Variants in GOLGA8A observed in about 807,000 individuals in gnomAD.
The protein encoded by GOLGA8A is golgin subfamily A member 8A.
Under a neutral mutation model 22.1 loss-of-function variants are expected in GOLGA8A, and 3 were observed. That is an observed-to-expected ratio of 0.14 (90% CI 0.06 to 0.35). GOLGA8A has a LOEUF of 0.35. Among genes scored for constraint, GOLGA8A ranks in the 10% least tolerant of loss-of-function variants. The pLI is 1.00. For missense variants in GOLGA8A, 16 were observed against 233.2 expected, an observed-to-expected ratio of 0.07 and a Z score of 6.07; for synonymous variants, 7 against 91.7, an observed-to-expected ratio of 0.08 and a Z score of 5.28.
chr15:34,409,731 GC>G, intron 2 of GOLGA8A: 1 of 757,728 alleles, frequency 1.3e-6, no homozygotes, highest in Non-Finnish European at 2.4e-6. Context: ...ACCACCAGGA[GC>G]CCGAGAGCGA....
In GOLGA8A at chr15:34,428,243, GCCA is replaced by G. The variant is rs769931948; in HGVS notation, c.-1123+7137_-1123+7139del. On this transcript the variant is annotated intron_variant, in intron 2 of 24. Coordinates refer to ENST00000359187, the MANE Select transcript of GOLGA8A (RefSeq NM_181077.5). ...CAAGTAGCTAGGACCACACCCGTGAGCCACCACATCTGGCTAATTTTTCTATTT... is the reference window on the plus strand; with the variant it reads ...CAAGTAGCTAGGACCACACCCGTGAGCCACATCTGGCTAATTTTTCTATTT... Among the ~76,000 whole-genome samples, 104 of 147,584 alleles carry G rather than the reference GCCA, an allele frequency of 7.0e-4. 8 individuals are homozygous for G. The highest frequency in any genetic ancestry group is 1.1e-3 in the Non-Finnish European group (72 of 66,734).
chr15:34,423,777 T>C (rs79628481), intron 2 of GOLGA8A, among the ~76,000 whole-genome samples: 1 of 148,934 alleles, frequency 6.7e-6, no homozygotes, highest in African/African-American at 2.5e-5. Context: ...TCCACCTCCA[T>C]GGACCCTTTG....
intron 2 of GOLGA8A, among the ~76,000 whole-genome samples, chr15:34,430,610 T>C (rs73376083): frequency 4.7e-5 from 7 of 149,394 alleles, no homozygotes; most frequent in Non-Finnish European, 8.9e-5. Context: ...CAGAATCAGT[T>C]AGAGGCTGGA....
At chr15:34,420,006 A>G (rs1170670862) in intron 2 of GOLGA8A, 16 of 148,826 alleles carry the variant, frequency 1.1e-4, no homozygotes, top group Non-Finnish European at 2.1e-4. Flanking sequence ...CAAGATGAAG[A>G]AAGTTCTGGA....
chr15:34,429,312 C>T (rs1893125268), intron 2 of GOLGA8A, among the ~76,000 whole-genome samples: 1 of 146,028 alleles, frequency 6.8e-6, no homozygotes, highest in Admixed American at 7.0e-5. Context: ...CCAGGGCTAC[C>T]AAGCCCCTAA....
rs1317823959 is a variant in GOLGA8A at position 34,436,737 on chromosome 15, A to C, written c.-1212+661T>G. Among the ~76,000 whole-genome samples the C allele has an allele frequency of 1.1e-4, 16 of 149,682 alleles. 1 individual carries two copies. Among genetic ancestry groups the C allele is most frequent in the Non-Finnish European group, 2.1e-4 (14 of 67,166 alleles). On this transcript the variant is annotated intron_variant, in intron 1 of 24. Coordinates refer to ENST00000359187, the MANE Select transcript of GOLGA8A (RefSeq NM_181077.5). ...GTTCTCCTTCACCATCTGCGGCCAG[A>C]TCTCCCTCCAGCAGCCTTGCCAGGC...
intron 2 of GOLGA8A, among the ~76,000 whole-genome samples, chr15:34,421,285 T>C (rs1292727587): frequency 7.0e-6 from 1 of 143,146 alleles, no homozygotes; most frequent in East Asian, 2.2e-4. Flanking sequence ...TCGGCTATTG[T>C]GAGAAGAGTC....
intron 1 of GOLGA8A, among the ~76,000 whole-genome samples, chr15:34,437,195 G>A (rs1364648560): frequency 4.1e-5 from 6 of 147,260 alleles, no homozygotes; most frequent in Admixed American, 6.8e-5. Flanking sequence ...GGGCCGGTCC[G>A]AGAGGCGTAA....
At chr15:34,430,712 G>A (rs1235399822) in intron 2 of GOLGA8A, among the ~76,000 whole-genome samples, 1 of 149,744 alleles carries the variant, frequency 6.7e-6, no homozygotes, top group African/African-American at 2.5e-5. Context: ...GTGCTTTACT[G>A]TAGCAGAACA....
intron 2 of GOLGA8A, among the ~76,000 whole-genome samples, chr15:34,425,063 G>C (rs1309150622): frequency 6.8e-6 from 1 of 146,162 alleles, no homozygotes; most frequent in Admixed American, 7.0e-5. Context: ...ATCCAGCCTG[G>C]GTGACAAAGT....
At chr15:34,420,313 A>G (rs1323483300) in intron 2 of GOLGA8A, 1 of 144,466 alleles carries the variant, frequency 6.9e-6, no homozygotes, top group Non-Finnish European at 1.5e-5. Flanking sequence ...TCAGGGAGTG[A>G]CAGGGGCGTG....
chr15:34,380,853 G>A lies in GOLGA8A; in HGVS notation c.*558C>T. 1 of 191,510 alleles carries A rather than the reference G, an allele frequency of 5.2e-6. No homozygotes were observed. The highest frequency in any genetic ancestry group is 1.1e-5 in the Non-Finnish European group (1 of 91,430). The allele number at this position is 191,510 out of a possible 1,614,324, so 11.9% of individuals were successfully genotyped here. ...GAAAATGGAGGAAAGGCTGTTTCCA[G>A]TTCTCGGCCTTTAAACAGCTCTAAA... On this transcript the variant is annotated 3_prime_UTR_variant, in exon 25 of 25. Coordinates refer to ENST00000359187, the MANE Select transcript of GOLGA8A (RefSeq NM_181077.5).
chr15:34,380,525 C>G lies in GOLGA8A; in HGVS notation c.*886G>C, dbSNP rs1891430343. ...AAAATGTATTGTAGATACAAATGCT[C>G]TAAGCTAGGAAAGGTTTTTCACACC... On this transcript the variant is annotated 3_prime_UTR_variant, in exon 25 of 25. Transcript: ENST00000359187. 1 of 152,262 alleles carries G rather than the reference C, an allele frequency of 6.6e-6. No individual in the cohort carries two copies. Among genetic ancestry groups the G allele is most frequent in the Non-Finnish European group, 1.5e-5 (1 of 68,076 alleles). The allele number at this position is 152,262 out of a possible 1,614,324, so 9.4% of individuals were successfully genotyped here.
intron 2 of GOLGA8A, among the ~76,000 whole-genome samples, chr15:34,427,391 GAA>G (rs1370084445): frequency 7.0e-6 from 1 of 143,842 alleles, no homozygotes; most frequent in African/African-American, 2.6e-5. Context: ...TCCACACATA[GAA>G]AATAATCGAG....
rs1893228988 is a variant in GOLGA8A at position 34,431,312 on chromosome 15, CATATATATATATATATATATA to C, written c.-1123+4050_-1123+4070del. 2.7e-3 allele frequency among the ~76,000 whole-genome samples: 125 copies of C among 45,762 alleles called. 4 individuals carry two copies. The highest frequency in any genetic ancestry group is 6.7e-3 in the African/African-American group (113 of 16,858). 30.0% of individuals were successfully genotyped at this position (45,762 alleles called of 152,430 possible). ...AAAATTATATATATATATATATATACATATATATATATATATATATATATATATATATATCTCACACACACA... is the reference window on the plus strand; with the variant it reads ...AAAATTATATATATATATATATATACTATATATATATATCTCACACACACA... On this transcript the variant is annotated intron_variant, in intron 2 of 24. Transcript: ENST00000359187.
intron 1 of GOLGA8A, among the ~76,000 whole-genome samples, chr15:34,436,280 A>C (rs185056717): frequency 6.7e-6 from 1 of 149,370 alleles, no homozygotes; most frequent in Non-Finnish European, 1.5e-5. Context: ...GTCCTTTCTG[A>C]AACAGGAAGG....
rs1566917114 is a variant in GOLGA8A at position 34,437,729 on chromosome 15, C to T, written c.-1543G>A. 6.8e-6 allele frequency among the ~76,000 whole-genome samples: 1 copy of T among 146,056 alleles called. No homozygotes were observed. The highest frequency in any genetic ancestry group is 6.9e-5 in the Admixed American group (1 of 14,466). On this transcript the variant is annotated 5_prime_UTR_variant, in exon 1 of 25. Coordinates refer to ENST00000359187, the MANE Select transcript of GOLGA8A (RefSeq NM_181077.5). Reference sequence around the variant, plus strand: ...CGTCCTCGCCGCGCCGCTGCCGGGTCTCTCCCGGGGGCTGAGCTCCCGCAG... The same window carrying T: ...CGTCCTCGCCGCGCCGCTGCCGGGTTTCTCCCGGGGGCTGAGCTCCCGCAG...
chr15:34,420,078 C>G (rs111732709), intron 2 of GOLGA8A: 1 of 148,932 alleles, frequency 6.7e-6, no homozygotes, highest in African/African-American at 2.5e-5. Context: ...GAATCATACA[C>G]GTAGAAGTAT....
At chr15:34,434,404 CCA>C (rs1433846972) in intron 2 of GOLGA8A, among the ~76,000 whole-genome samples, 2 of 149,316 alleles carry the variant, frequency 1.3e-5, no homozygotes, top group Non-Finnish European at 3.0e-5. Context: ...ACGCAGGGTT[CCA>C]CATAGAGAGC....
Sources: gnomAD v4.1 joint callset for allele counts (sites outside exome capture counted in the v4.1 genomes callset) on GRCh38, gnomAD v4.1.1 for gene constraint, MANE v1.5 for transcripts, NCBI Gene and HGNC (gene_info 2026-07-23, HGNC 2026-07-21) for gene names.